Variants in CFH observed in about 807,000 individuals in gnomAD.
CFH encodes the protein complement factor H, also known as H factor 1 (complement).
In CFH, 53 loss-of-function variants were observed where a neutral mutation model predicts 147.3. The ratio of observed to expected loss-of-function variants is 0.36; its 90% CI spans 0.29 to 0.45. The LOEUF is 0.45. Among genes scored for constraint, CFH ranks in the 20% least tolerant of loss-of-function variants. The pLI, the probability that CFH is intolerant of heterozygous loss-of-function variation, is 1.00. For missense variants in CFH, 1,380 were observed against 1,498.0 expected, an observed-to-expected ratio of 0.92 and a Z score of 1.30; for synonymous variants, 536 against 489.4, an observed-to-expected ratio of 1.10 and a Z score of -1.26.
At chr1:196,652,604 C>A (rs993680816) in intron 1 of CFH, among the ~76,000 whole-genome samples, 4 of 151,768 alleles carry the variant, frequency 2.6e-5, no homozygotes, top group Admixed American at 1.3e-4. Context: ...GATTTTAACT[C>A]TTCCTAAATA....
intron 14 of CFH, 73 bp from the exon 15 acceptor site, chr1:196,728,273 A>G (rs1669194874): frequency 1.9e-6 from 2 of 1,050,764 alleles, no homozygotes; most frequent in Non-Finnish European, 2.7e-6. Flanking sequence ...TATTTACTTT[A>G]TAACTATTTT....
intron 9 of CFH, among the ~76,000 whole-genome samples, chr1:196,692,770 C>G (rs1273866809): frequency 1.2e-4 from 5 of 41,148 alleles, no homozygotes; most frequent in African/African-American, 6.5e-4. Flanking sequence ...TTCTTTCTTT[C>G]TTTCTTTCTT....
In CFH at chr1:196,690,793, A is replaced by G. The variant is rs374121164; in HGVS notation, c.1336+554A>G. Among the ~76,000 whole-genome samples the G allele has an allele frequency of 7.9e-5, 12 of 152,278 alleles. No individual in the cohort carries two copies. The East Asian group carries it at 2.3e-3, about 29-fold the overall frequency. ...ATTGGTTAAACTAGGTGTGACATTT[A>G]CATAATATGCCAGGAAGCTGGCCGC... On this transcript the variant is annotated intron_variant, in intron 9 of 21. Coordinates refer to ENST00000367429, the MANE Select transcript of CFH (RefSeq NM_000186.4).
intron 11 of CFH, among the ~76,000 whole-genome samples, chr1:196,722,426 G>A (rs1669022043): frequency 6.6e-6 from 1 of 152,060 alleles, no homozygotes; most frequent in Non-Finnish European, 1.5e-5. Context: ...AATATCTTCT[G>A]GCTTGTACAG....
chr1:196,692,081 T>C (rs1668043332), intron 9 of CFH, among the ~76,000 whole-genome samples: 1 of 152,030 alleles, frequency 6.6e-6, no homozygotes, highest in Non-Finnish European at 1.5e-5. Context: ...TCTGCACTAT[T>C]AGTAAACAAT....
At chr1:196,716,997 G>C (rs1190504632) in intron 11 of CFH, among the ~76,000 whole-genome samples, 1 of 151,934 alleles carries the variant, frequency 6.6e-6, no homozygotes, top group South Asian at 2.1e-4. Flanking sequence ...AGAGCAAAGA[G>C]CTCAAGATGA....
chr1:196,715,562 G>T (rs891111226), intron 10 of CFH, 31 bp from the exon 11 acceptor site: 1 of 1,535,890 alleles, frequency 6.5e-7, no homozygotes, highest in Non-Finnish European at 9.0e-7. Flanking sequence ...GATGACATTA[G>T]AAATGACATT....
chr1:196,682,366 G>A (rs1667686513), intron 6 of CFH, among the ~76,000 whole-genome samples: 2 of 151,656 alleles, frequency 1.3e-5, no homozygotes, highest in African/African-American at 2.4e-5. Flanking sequence ...ACAGGTTCGG[G>A]CAATGTTTTA....
chr1:196,714,692 G>C (rs1275612588), intron 10 of CFH, among the ~76,000 whole-genome samples: 1 of 112,634 alleles, frequency 8.9e-6, no homozygotes, highest in Non-Finnish European at 1.8e-5. Flanking sequence ...GAGAGAGAGA[G>C]AGAGAGAGAG....
intron 19 of CFH, among the ~76,000 whole-genome samples, chr1:196,742,330 C>G (rs35496304): frequency 6.6e-6 from 1 of 152,042 alleles, no homozygotes; most frequent in Non-Finnish European, 1.5e-5. Context: ...GGGCCAAGAT[C>G]GTGCCACTGC....
At chr1:196,713,113 G>T (rs1244361574) in intron 9 of CFH, among the ~76,000 whole-genome samples, 2 of 152,008 alleles carry the variant, frequency 1.3e-5, no homozygotes, top group Non-Finnish European at 2.9e-5. Context: ...TCTATCATCA[G>T]TTAACAGAAA....
chr1:196,745,745 C>T (rs890269277), intron 20 of CFH, 72 bp from the exon 21 acceptor site: 65 of 1,597,842 alleles, frequency 4.1e-5, no homozygotes, highest in African/African-American at 1.1e-4. Context: ...GCTGTGTTTG[C>T]GTTTGCCTTA....
chr1:196,728,869 C>A (rs1669213276), intron 15 of CFH, among the ~76,000 whole-genome samples: 2 of 152,036 alleles, frequency 1.3e-5, no homozygotes, highest in South Asian at 4.1e-4. Context: ...CCAATAACTA[C>A]TATGTATCTG....
intron 20 of CFH, among the ~76,000 whole-genome samples, chr1:196,744,146 T>A (rs1015800538): frequency 2.0e-5 from 3 of 151,956 alleles, no homozygotes; most frequent in Non-Finnish European, 4.4e-5. Context: ...CTTACTCACC[T>A]TTATGTTTTA....
At chr1:196,679,186 A>G (rs1553273677) in intron 5 of CFH, 1 of 156,180 alleles carries the variant, frequency 6.4e-6, no homozygotes, top group Non-Finnish European at 1.4e-5. Flanking sequence ...TGACACAAAA[A>G]CAGGTCAGTT....
rs1369171773 is a variant in CFH, at chr1:196,685,234, A to G, written c.961A>G (p.Thr321Ala). The change falls in exon 7 of 22, where the codon ACC becomes GCC. Residue 321 changes from threonine (T) to alanine (A), a missense_variant. By Grantham distance (58) the Thr-to-Ala change is moderately conservative. Coordinates refer to ENST00000367429, the MANE Select transcript of CFH (RefSeq NM_000186.4). ...TGGCTGGATACCTGCTCCGAGATGT[A>G]CCTGTAAGTTCCATTCATATCTTGA... ...STGWIPAPRC[T>A]LKPCDYPDIK... 1 of 1,612,784 alleles carries G rather than the reference A, an allele frequency of 6.2e-7. No individual in the cohort carries two copies. Among genetic ancestry groups the G allele is most frequent in the Non-Finnish European group, 8.5e-7 (1 of 1,179,218 alleles).
chr1:196,653,858 A>C (rs1666588056), intron 1 of CFH, among the ~76,000 whole-genome samples: 2 of 152,108 alleles, frequency 1.3e-5, no homozygotes, highest in South Asian at 4.1e-4. Flanking sequence ...ATTTCCTAAA[A>C]GATAAAGCAC....
chr1:196,705,012 T>C (rs1490542118), intron 9 of CFH, among the ~76,000 whole-genome samples: 2 of 152,218 alleles, frequency 1.3e-5, no homozygotes, highest in Non-Finnish European at 2.9e-5. Context: ...ACACTAAAGC[T>C]AAATGATAGT....
chr1:196,666,804 C>CAA (rs10616982), intron 1 of CFH, among the ~76,000 whole-genome samples: 26 of 83,962 alleles, frequency 3.1e-4, no homozygotes, highest in Non-Finnish European at 4.3e-4. Context: ...GACTCCGTCT[C>CAA]AAAAAAAAAA....
Sources: gnomAD v4.1 joint callset for allele counts (sites outside exome capture counted in the v4.1 genomes callset) on GRCh38, gnomAD v4.1.1 for gene constraint, MANE v1.5 for transcripts, NCBI Gene and HGNC (gene_info 2026-07-23, HGNC 2026-07-21) for gene names.